Variants in CDH15 observed in about 807,000 individuals in gnomAD.
CDH15 encodes the protein cadherin-15.
Under a neutral mutation model 69.4 loss-of-function variants are expected in CDH15, and 73 were observed. The ratio of observed to expected loss-of-function variants is 1.05; its 90% CI spans 0.87 to 1.28. The LOEUF (loss-of-function observed/expected upper bound fraction) is 1.28. CDH15 is among the 50% of genes most tolerant of loss of function. CDH15 has a pLI of 0.00. For synonymous variants in CDH15, 624 were observed against 507.7 expected, an observed-to-expected ratio of 1.23 and a Z score of -3.08; for missense variants, 1,343 against 1,133.6, an observed-to-expected ratio of 1.18 and a Z score of -2.65.
intron 7 of CDH15, 30 bp from the exon 8 acceptor site, chr16:89,190,213 C>T (rs377347473): frequency 1.8e-5 from 29 of 1,606,668 alleles, no homozygotes; most frequent in African/African-American, 1.1e-4. Context: ...TTGCGTTGGG[C>T]GGATGACGGG....
At chr16:89,191,508 G>T in intron 9 of CDH15, 36 bp downstream of exon 9, 1 of 1,608,718 alleles carries the variant, frequency 6.2e-7, no homozygotes. Context: ...TCCCTGACCT[G>T]GCCTTGTCCC....
chr16:89,187,987 G>A, intron 6 of CDH15, 113 bp from the exon 7 acceptor site: 2 of 980,330 alleles, frequency 2.0e-6, no homozygotes, highest in East Asian at 2.6e-5. Context: ...GGGTGTTCCT[G>A]CTGGGAGGCA....
Position 89,185,329 on chromosome 16 carries a change from G to A in CDH15, c.659G>A (p.Arg220His), listed in dbSNP as rs1157893740. Residue 220 changes from arginine to histidine, a missense_variant, in exon 5 of 14, where the codon CGC (arginine) becomes CAC (histidine). Transcript: ENST00000289746. Reference sequence around the variant, plus strand: ...CGCACAGTGCAAGTGGGGCTGGACCGCGAGGTGAGGTGGCGCCCCGGCAGC... The same window carrying A: ...CGCACAGTGCAAGTGGGGCTGGACCACGAGGTGAGGTGGCGCCCCGGCAGC... ...EIRTVQVGLD[R>H]EVVAVYNLTL... is the part of the protein sequence containing the mutation. 1.3e-5 allele frequency: 20 copies of A among 1,599,856 alleles called. No individual in the cohort carries two copies. Among genetic ancestry groups the A allele is most frequent in the African/African-American group, 2.7e-5 (2 of 74,694 alleles).
Position 89,185,321 on chromosome 16 carries a change from G to T in CDH15, c.651G>T (p.Gly217=). The change falls in exon 5 of 14, where the codon GGG becomes GGT. Residue 217 remains glycine, a synonymous_variant. Transcript: ENST00000289746. ...LTGEIRTVQV[G]LDREVVAVYN... ...GAGAGATCCGCACAGTGCAAGTGGGGCTGGACCGCGAGGTGAGGTGGCGCC... is the reference window on the plus strand; with the variant it reads ...GAGAGATCCGCACAGTGCAAGTGGGTCTGGACCGCGAGGTGAGGTGGCGCC... The T allele has an allele frequency of 1.2e-6, 2 of 1,602,196 alleles. No individual in the cohort carries two copies. Among genetic ancestry groups the T allele is most frequent in the East Asian group, 2.2e-5 (1 of 44,460 alleles).
rs1915422088 is a variant in CDH15, at chr16:89,183,584, C to A, written c.394C>A (p.Leu132Met). 6 of 1,614,132 alleles carry A rather than the reference C, an allele frequency of 3.7e-6. No individual in the cohort carries two copies. The change falls in exon 4 of 14, where the codon CTG becomes ATG. Residue 132 changes from leucine (L) to methionine (M), a missense_variant. Coordinates refer to ENST00000289746, the MANE Select transcript of CDH15 (RefSeq NM_004933.3). ...AFALDLGGST[L>M]EDPTDLEIVV... ...TGCCCTGGACCTGGGAGGATCCACC[C>A]TGGAGGACCCCACGGACCTGGAGAT...
In CDH15 at chr16:89,192,284, G is replaced by A; in HGVS notation, c.1695G>A (p.Gly565=). The A allele has an allele frequency of 6.5e-7, 1 of 1,531,604 alleles. No homozygotes were observed. The highest frequency in any genetic ancestry group is 8.7e-7 in the Non-Finnish European group (1 of 1,145,546). 94.9% of individuals were successfully genotyped at this position (1,531,604 alleles called of 1,614,324 possible). A position where few individuals can be genotyped will look rare whatever the true frequency, so the allele number is the denominator to read the frequency against. The change falls in exon 11 of 14, where the codon GGG becomes GGA. Residue 565 remains glycine, a synonymous_variant. Coordinates refer to ENST00000289746, the MANE Select transcript of CDH15 (RefSeq NM_004933.3). ...TCAGCCTGCTGCTCCGGGACTCGGG[G>A]CAGCCGCCCCAGCAGCGCGAGCAGC... The part of the protein sequence containing the change: ...HRLSLLLRDS[G]QPPQQREQPL...
At chr16:89,173,229 A>C (rs1915193937) in intron 1 of CDH15, among the ~76,000 whole-genome samples, 1 of 152,138 alleles carries the variant, frequency 6.6e-6, no homozygotes, top group Non-Finnish European at 1.5e-5. Context: ...CCATGCCTCC[A>C]GGGCCCTTCC....
At chr16:89,176,325 T>C (rs943057685) in intron 1 of CDH15, among the ~76,000 whole-genome samples, 23 of 152,046 alleles carry the variant, frequency 1.5e-4, no homozygotes, top group Non-Finnish European at 1.5e-5. Flanking sequence ...GCGGGCAGCC[T>C]CGGAGCCAGC....
rs778842629 is a variant in CDH15 at position 89,179,398 on chromosome 16, C to A, written c.43-18C>A. 3 of 1,613,410 alleles carry A rather than the reference C, an allele frequency of 1.9e-6. No individual in the cohort carries two copies. The highest frequency in any genetic ancestry group is 2.5e-6 in the Non-Finnish European group (3 of 1,179,832). On this transcript the variant is annotated intron_variant, in intron 1 of 13. Coordinates refer to ENST00000289746, the MANE Select transcript of CDH15 (RefSeq NM_004933.3). Reference sequence around the variant, plus strand: ...CTCCAGGAGACGGTACTGTGGGACGCATCTGTCTTTGTTGCAGAGCCTCTG... The same window carrying A: ...CTCCAGGAGACGGTACTGTGGGACGAATCTGTCTTTGTTGCAGAGCCTCTG...
chr16:89,181,502 C>T (rs994887698), intron 3 of CDH15, among the ~76,000 whole-genome samples: 4 of 152,082 alleles, frequency 2.6e-5, no homozygotes, highest in South Asian at 2.1e-4. Flanking sequence ...AATTAGCCAG[C>T]GGTGTTGCTG....
Position 89,190,268 on chromosome 16 carries a change from A to G in CDH15, c.1004A>G (p.His335Arg), listed in dbSNP as rs756368653. The change falls in exon 8 of 14, where the codon CAC becomes CGC. Residue 335 changes from histidine (H) to arginine (R), a missense_variant. By Grantham distance (29) the His-to-Arg change is conservative (BLOSUM62 0). Coordinates refer to ENST00000289746, the MANE Select transcript of CDH15 (RefSeq NM_004933.3). The stretch of plus-strand genomic sequence containing the variant: ...GCCCTGGACTATGAGAGCTGTGAAC[A>G]CTACGAACTCAAAGTGTCGGTGCAG... Reference protein sequence around the residue: ...VKALDYESCEHYELKVSVQNE... With the variant: ...VKALDYESCERYELKVSVQNE... The G allele has an allele frequency of 5.6e-6, 9 of 1,612,734 alleles. No homozygotes were observed. In the Middle Eastern group the frequency reaches 6.6e-4, roughly 118 times the overall value.
At chr16:89,174,913 C>T (rs1040900378) in intron 1 of CDH15, among the ~76,000 whole-genome samples, 1 of 152,168 alleles carries the variant, frequency 6.6e-6, no homozygotes, top group East Asian at 1.9e-4. Context: ...CCGGATGTCC[C>T]GATCTCCCCA....
At position 89,194,966 on chromosome 16, in the gene CDH15, C is replaced by T. The variant is rs1248444762; in HGVS notation, c.2256C>T (p.Ile752=). The T allele has an allele frequency of 6.2e-7, 1 of 1,610,700 alleles. No homozygotes were observed. Among genetic ancestry groups the T allele is most frequent in the Non-Finnish European group, 8.5e-7 (1 of 1,179,154 alleles). ...DGSVAGTLSS[I]LSSQGDEDQD... is the part of the protein sequence containing the mutation. ...CGGTGGCGGGGACGCTGAGCTCCAT[C>T]CTGTCCAGCCAGGGCGATGAGGACC... The change falls in exon 14 of 14, where the codon ATC becomes ATT. Residue 752 remains isoleucine (I), a synonymous_variant. Transcript: ENST00000289746.
In CDH15 at chr16:89,193,792, C is replaced by T. The variant is rs767215353; in HGVS notation, c.2030C>T (p.Ala677Val). The change falls in exon 13 of 14, where the codon GCG becomes GTG. Residue 677 changes from alanine (A) to valine (V), a missense_variant. Coordinates refer to ENST00000289746, the MANE Select transcript of CDH15 (RefSeq NM_004933.3). Reference sequence around the variant, plus strand: ...ATCAGCCAGCTGCGTCACCCGACAGCGCTGAGCCTGCCTCTGGGACCGCCG... The same window carrying T: ...ATCAGCCAGCTGCGTCACCCGACAGTGCTGAGCCTGCCTCTGGGACCGCCG... ...YDISQLRHPTALSLPLGPPPL... is the reference protein window; with the variant it reads ...YDISQLRHPTVLSLPLGPPPL... 11 of 1,606,316 alleles carry T rather than the reference C, an allele frequency of 6.8e-6. No individual in the cohort carries two copies. Among genetic ancestry groups the T allele is most frequent in the East Asian group, 2.2e-5 (1 of 44,766 alleles).
chr16:89,184,888 C>T (rs1001840316), intron 4 of CDH15, among the ~76,000 whole-genome samples: 9 of 152,344 alleles, frequency 5.9e-5, no homozygotes, highest in African/African-American at 9.6e-5. Context: ...TCCTGTGCTC[C>T]GACCCCATAA....
At chr16:89,183,194 C>A (rs978203525) in intron 3 of CDH15, 21 of 194,196 alleles carry the variant, frequency 1.1e-4, no homozygotes, top group South Asian at 3.4e-4. Context: ...AAAAAAAAAA[C>A]AAAAAACAAA....
rs1025996824 is a variant in CDH15 at position 89,191,585 on chromosome 16, C to T, written c.1376-70C>T. ...CGCCCGGGGGCTCAGAGCTGCGCACCCGCTCTGAGCCGACTGGTGGGGCAG... is the reference window on the plus strand; with the variant it reads ...CGCCCGGGGGCTCAGAGCTGCGCACTCGCTCTGAGCCGACTGGTGGGGCAG... On this transcript the variant is annotated intron_variant, in intron 9 of 13. Coordinates refer to ENST00000289746, the MANE Select transcript of CDH15 (RefSeq NM_004933.3). The T allele has an allele frequency of 2.5e-5, 40 of 1,570,708 alleles. No individual in the cohort carries two copies. The African/African-American group carries it at 4.1e-4, about 16-fold the overall frequency.
intron 1 of CDH15, among the ~76,000 whole-genome samples, chr16:89,177,304 C>T (rs1419463010): frequency 2.0e-5 from 3 of 152,192 alleles, no homozygotes; most frequent in Non-Finnish European, 4.4e-5. Context: ...GGGCTGGGTG[C>T]TGGCCACACA....
At chr16:89,183,471 T>C in intron 3 of CDH15, 77 bp from the exon 4 acceptor site, 1 of 1,543,914 alleles carries the variant, frequency 6.5e-7, no homozygotes, top group Non-Finnish European at 8.9e-7. Context: ...GAACGTGCTG[T>C]CTCTTTCGCA....
Sources: gnomAD v4.1 joint callset for allele counts (sites outside exome capture counted in the v4.1 genomes callset) on GRCh38, gnomAD v4.1.1 for gene constraint, MANE v1.5 for transcripts, NCBI Gene and HGNC (gene_info 2026-07-23, HGNC 2026-07-21) for gene names.